The following RIPOR2 variants were observed in gnomAD, a reference collection of about 807,000 sequenced individuals.
RIPOR2 encodes the protein RHO family interacting cell polarization regulator 2.
RIPOR2 carries 39 observed loss-of-function variants against 114.5 expected under a neutral mutation model. That is an observed-to-expected ratio of 0.34 (90% CI 0.26 to 0.44). RIPOR2 has a LOEUF of 0.44. RIPOR2 is among the 20% of genes least tolerant of loss of function. The probability of loss-of-function intolerance (pLI) is 1.00; values close to 1 mark genes in which losing one functional copy is unlikely to be tolerated. For synonymous variants in RIPOR2, 445 were observed against 484.4 expected (o/e 0.92, Z 1.07); for missense variants, 1,007 against 1,255.1 (o/e 0.80, Z 2.99).
intron 1 of RIPOR2, among the ~76,000 whole-genome samples, chr6:24,879,113 G>C (rs754525778): frequency 2.1e-5 from 2 of 96,894 alleles, no homozygotes; most frequent in Non-Finnish European, 4.1e-5. Context: ...GCCGAGGCAG[G>C]TGGATCACCT....
intron 1 of RIPOR2, among the ~76,000 whole-genome samples, chr6:25,026,042 G>GTTTTTTT (rs201831119): frequency 6.8e-6 from 1 of 146,926 alleles, no homozygotes; most frequent in African/African-American, 2.6e-5. Flanking sequence ...TACAAAGATT[G>GTTTTTTT]TTGTTTTTTT....
intron 1 of RIPOR2, among the ~76,000 whole-genome samples, chr6:24,881,528 TCTGAG>T (rs945704019): frequency 5.4e-4 from 82 of 152,256 alleles, no homozygotes; most frequent in African/African-American, 1.6e-3. Flanking sequence ...ATCCTGCCAT[TCTGAG>T]CTGAGCCTCT....
chr6:24,817,987 T>TTTTTTTTTTTTTA (rs1759319649), intron 20 of RIPOR2, among the ~76,000 whole-genome samples: 1 of 148,176 alleles, frequency 6.7e-6, no homozygotes, highest in Admixed American at 6.8e-5. Context: ...TCTTTTTTTT[T>TTTTTTTTTTTTTA]GAGACAGAGT....
intron 1 of RIPOR2, among the ~76,000 whole-genome samples, chr6:24,929,091 G>T (rs374249404): frequency 1.3e-5 from 2 of 152,012 alleles, no homozygotes; most frequent in East Asian, 1.9e-4. Context: ...TTATTAATTT[G>T]CTTTCTGGAG....
At chr6:24,850,085 A>AT (rs1489853188) in intron 10 of RIPOR2, 135 bp from the exon 11 acceptor site, 5 of 616,604 alleles carry the variant, frequency 8.1e-6, no homozygotes, top group Non-Finnish European at 5.1e-6. Context: ...GCGGATTTTC[A>AT]TTTTTCTTTT....
intron 7 of RIPOR2, among the ~76,000 whole-genome samples, chr6:24,863,216 G>A (rs1161970776): frequency 6.6e-6 from 1 of 152,166 alleles, no homozygotes; most frequent in African/African-American, 2.4e-5. Context: ...GCCTCCCAAA[G>A]TGCTGGGATT....
At position 24,964,017 on chromosome 6, in the gene RIPOR2, A is replaced by C. The variant is rs143019158; in HGVS notation, c.76+77834T>G. On this transcript the variant is annotated intron_variant, in intron 1 of 13. Transcript: ENST00000510784. Reference sequence around the variant, plus strand: ...TCCCCTCCTCCTGCCTCCGCCTTCCATGTAGCTAGGACTATAGGTGCTCAC... The same window carrying C: ...TCCCCTCCTCCTGCCTCCGCCTTCCCTGTAGCTAGGACTATAGGTGCTCAC... Among the ~76,000 whole-genome samples the C allele has an allele frequency of 6.8e-4, 103 of 152,130 alleles. 1 individual carries two copies. The highest frequency in any genetic ancestry group is 4.5e-3 in the Admixed American group (68 of 15,272).
chr6:25,021,557 A>G (rs142958584), intron 1 of RIPOR2, among the ~76,000 whole-genome samples: 380 of 152,352 alleles, frequency 2.5e-3, no homozygotes, highest in African/African-American at 8.5e-3. Flanking sequence ...CAAACATTGT[A>G]TGTTCTCACT....
intron 12 of RIPOR2, 70 bp from the exon 13 acceptor site, chr6:24,843,624 C>T: frequency 8.6e-7 from 1 of 1,168,652 alleles, no homozygotes; most frequent in Non-Finnish European, 1.2e-6. Flanking sequence ...TGGTTTATTT[C>T]CAGACAGAAT....
intron 13 of RIPOR2, chr6:24,839,553 G>A: frequency 2.8e-6 from 4 of 1,445,296 alleles, no homozygotes; most frequent in Non-Finnish European, 3.8e-6. Context: ...CACTGAGGAG[G>A]TTGAGGGATG....
chr6:24,964,285 T>G (rs1044063536), intron 1 of RIPOR2, among the ~76,000 whole-genome samples: 1 of 152,118 alleles, frequency 6.6e-6, no homozygotes, highest in Non-Finnish European at 1.5e-5. Flanking sequence ...TACCCCTGTA[T>G]AGTCACACAT....
At chr6:24,893,759 A>G (rs1767585808) in intron 1 of RIPOR2, among the ~76,000 whole-genome samples, 1 of 152,204 alleles carries the variant, frequency 6.6e-6, no homozygotes, top group Non-Finnish European at 1.5e-5. Context: ...TCAACAGGGG[A>G]AGAGAATCGT....
At chr6:24,810,718 A>G (rs1781087388) in intron 20 of RIPOR2, among the ~76,000 whole-genome samples, 3 of 152,168 alleles carry the variant, frequency 2.0e-5, no homozygotes, top group Admixed American at 6.6e-5. Context: ...GAAAGCACCC[A>G]AATAGCAATC....
intron 1 of RIPOR2, among the ~76,000 whole-genome samples, chr6:24,968,688 GA>G (rs1292374648): frequency 2.0e-5 from 3 of 152,164 alleles, no homozygotes; most frequent in Non-Finnish European, 4.4e-5. Context: ...GGCACATTCA[GA>G]ATCACGCACA....
rs1228471451 is a variant in RIPOR2, at chr6:24,953,845, T to C, written c.77-78028A>G. On this transcript the variant is annotated intron_variant, in intron 1 of 13. Transcript: ENST00000510784. ...TCGTCATCAAACCTAAGCATAAAAA[T>C]ACACAAGCTTCTCTGTTTCTTTGAG... Among the ~76,000 whole-genome samples, 3 of 152,228 alleles carry C rather than the reference T, an allele frequency of 2.0e-5. No homozygotes were observed. The East Asian group carries it at 5.8e-4, about 29-fold the overall frequency.
chr6:24,895,706 T>C (rs542511110), intron 1 of RIPOR2, among the ~76,000 whole-genome samples: 1 of 152,282 alleles, frequency 6.6e-6, no homozygotes, highest in South Asian at 2.1e-4. Context: ...AAAGAACTTC[T>C]TCGGCCGGGC....
At chr6:24,906,657 T>C (rs1769026207) in intron 1 of RIPOR2, among the ~76,000 whole-genome samples, 1 of 152,172 alleles carries the variant, frequency 6.6e-6, no homozygotes, top group Non-Finnish European at 1.5e-5. Context: ...TTTCTTTTTC[T>C]TAAGGGTCTC....
At chr6:24,960,002 C>G (rs1773230275) in intron 1 of RIPOR2, among the ~76,000 whole-genome samples, 1 of 152,118 alleles carries the variant, frequency 6.6e-6, no homozygotes, top group Non-Finnish European at 1.5e-5. Flanking sequence ...TTTTGTTTAC[C>G]TCCTTCTCTA....
intron 1 of RIPOR2, among the ~76,000 whole-genome samples, chr6:24,908,738 C>T (rs957462505): frequency 6.6e-6 from 1 of 152,182 alleles, no homozygotes; most frequent in African/African-American, 2.4e-5. Flanking sequence ...ATATCTCCCT[C>T]CACCCGCCCC....
Sources: allele counts gnomAD v4.1 joint callset (sites outside exome capture counted in the v4.1 genomes callset), GRCh38; gene constraint gnomAD v4.1.1; transcripts MANE v1.5; gene names NCBI Gene and HGNC (gene_info 2026-07-23, HGNC 2026-07-21).